ARMC2: variants seen among roughly 807,000 people sequenced by gnomAD.
ARMC2 encodes armadillo repeat-containing protein 2.
A neutral mutation model predicts 90.3 loss-of-function variants in ARMC2; 67 were observed. The ratio of observed to expected loss-of-function variants is 0.74; its 90% CI spans 0.61 to 0.91. ARMC2 has a LOEUF of 0.91. Among genes scored for constraint, ARMC2 ranks in the 40% least tolerant of loss-of-function variants. The pLI, the probability that ARMC2 is intolerant of heterozygous loss-of-function variation, is 0.00. For missense variants in ARMC2, 920 were observed against 1,030.9 expected (o/e 0.89, Z 1.47); for synonymous variants, 393 against 393.0 (o/e 1.00, Z 0.00).
chr6:109,040,932 G>A, the ARMC2 span, among the ~76,000 whole-genome samples: 1 of 151,914 alleles, frequency 6.6e-6, no homozygotes, highest in Non-Finnish European at 1.5e-5. Context: ...GATTACAGGC[G>A]TGAGCCACCG....
intron 17 of ARMC2, among the ~76,000 whole-genome samples, chr6:108,969,595 G>A (rs1214983841): frequency 6.6e-6 from 1 of 152,124 alleles, no homozygotes; most frequent in Non-Finnish European, 1.5e-5. Flanking sequence ...AGCAAAGAAA[G>A]AAAATATCAG....
intron 10 of ARMC2, 59 bp downstream of exon 10, chr6:108,912,617 C>T: frequency 6.8e-7 from 1 of 1,462,784 alleles, no homozygotes; most frequent in Admixed American, 1.8e-5. Context: ...TTGCCTAATG[C>T]CAGTTTTAAA....
chr6:109,026,310 G>A, the ARMC2 span, among the ~76,000 whole-genome samples: 1 of 152,134 alleles, frequency 6.6e-6, no homozygotes, highest in Non-Finnish European at 1.5e-5. Context: ...TCAGAAGGAA[G>A]TGTGAAAAAG....
chr6:108,905,113 C>T (rs77251093), intron 8 of ARMC2, among the ~76,000 whole-genome samples: 5,604 of 152,224 alleles, frequency 0.037, 300 homozygotes, highest in African/African-American at 0.11. Context: ...GCCGCTAAAA[C>T]AAATGAATGA....
intron 13 of ARMC2, among the ~76,000 whole-genome samples, chr6:108,959,013 T>G (rs2128509255): frequency 6.6e-6 from 1 of 152,354 alleles, no homozygotes; most frequent in South Asian, 2.1e-4. Flanking sequence ...CTAGAATATT[T>G]CCTTACAGTA....
chr6:109,044,022 A>T, the ARMC2 span, among the ~76,000 whole-genome samples: 2 of 152,152 alleles, frequency 1.3e-5, no homozygotes, highest in Non-Finnish European at 2.9e-5. Flanking sequence ...ACTTATTGTT[A>T]ACAAAGAAGT....
At chr6:108,871,122 G>A (rs1266785035) in intron 4 of ARMC2, among the ~76,000 whole-genome samples, 4 of 152,112 alleles carry the variant, frequency 2.6e-5, no homozygotes, top group South Asian at 4.1e-4. Context: ...TGCAATGACC[G>A]GGCACGAGAG....
At chr6:108,901,560 T>G (rs1583055309) in intron 7 of ARMC2, among the ~76,000 whole-genome samples, 1 of 151,664 alleles carries the variant, frequency 6.6e-6, no homozygotes, top group Admixed American at 6.6e-5. Flanking sequence ...GGATGACAGG[T>G]GCGCACCACC....
In ARMC2 at chr6:108,965,143, A is replaced by AC; in HGVS notation, c.2446+3_2446+4insC. ...ACTCTTGCTCTCATCATTTTTAGGT[A>AC]AGACTCTTGACTATGATGAGTCTGT... On this transcript the variant is annotated splice_donor_region_variant and intron_variant, in intron 17 of 17. Transcript: ENST00000392644. 1 of 1,599,494 alleles carries AC rather than the reference A, an allele frequency of 6.3e-7. No individual in the cohort carries two copies. Among genetic ancestry groups the AC allele is most frequent in the South Asian group, 1.1e-5 (1 of 90,552 alleles).
At chr6:109,027,077 C>T in the ARMC2 span, among the ~76,000 whole-genome samples, 1 of 151,724 alleles carries the variant, frequency 6.6e-6, no homozygotes, top group African/African-American at 2.4e-5. Context: ...GGCTGAGGCA[C>T]GAGAATCGCT....
chr6:108,977,293 A>G (rs1241112462), downstream of ARMC2, among the ~76,000 whole-genome samples: 1 of 152,104 alleles, frequency 6.6e-6, no homozygotes, highest in Non-Finnish European at 1.5e-5. Context: ...TTTGTTATGG[A>G]TTACGTTTAT....
chr6:109,010,739 G>C, the ARMC2 span, among the ~76,000 whole-genome samples: 1 of 152,188 alleles, frequency 6.6e-6, no homozygotes, highest in Non-Finnish European at 1.5e-5. Context: ...GTCAAAAGAA[G>C]CAATATTGAG....
At chr6:109,039,246 C>G in the ARMC2 span, among the ~76,000 whole-genome samples, 1 of 152,004 alleles carries the variant, frequency 6.6e-6, no homozygotes, top group Admixed American at 6.6e-5. Flanking sequence ...AGACCATGAC[C>G]AAAGATAAAT....
At chr6:108,899,182 G>A (rs118117932) in intron 6 of ARMC2, among the ~76,000 whole-genome samples, 1 of 152,042 alleles carries the variant, frequency 6.6e-6, no homozygotes, top group African/African-American at 2.4e-5. Context: ...TGTCAGCCCC[G>A]AAGGCCCAGG....
chr6:109,044,077 G>A, the ARMC2 span, among the ~76,000 whole-genome samples: 3 of 151,892 alleles, frequency 2.0e-5, no homozygotes, highest in Non-Finnish European at 4.4e-5. Flanking sequence ...CACTTTGGGA[G>A]GCCAAGGCAA....
chr6:109,050,607 A>G, the ARMC2 span, among the ~76,000 whole-genome samples: 1 of 152,306 alleles, frequency 6.6e-6, no homozygotes, highest in African/African-American at 2.4e-5. Context: ...ACTTTCAAAT[A>G]ACCTATCTAT....
chr6:108,872,289 A>G (rs558477298), intron 4 of ARMC2, among the ~76,000 whole-genome samples: 2 of 152,320 alleles, frequency 1.3e-5, no homozygotes, highest in South Asian at 2.1e-4. Context: ...GCGTTCACAC[A>G]GGGTTTTTGG....
At chr6:109,022,216 C>T in the ARMC2 span, among the ~76,000 whole-genome samples, 8 of 152,050 alleles carry the variant, frequency 5.3e-5, no homozygotes, top group Admixed American at 4.6e-4. Flanking sequence ...GCTACAAAGG[C>T]ATGTAATGCT....
the ARMC2 span, chr6:108,988,764 A>G: frequency 8.5e-7 from 1 of 1,170,582 alleles, no homozygotes; most frequent in Non-Finnish European, 1.2e-6. Context: ...ATACACATCA[A>G]TAGTTAATAC....
Sources: allele counts gnomAD v4.1 joint callset (sites outside exome capture counted in the v4.1 genomes callset), GRCh38; gene constraint gnomAD v4.1.1; transcripts MANE v1.5; gene names NCBI Gene and HGNC (gene_info 2026-07-23, HGNC 2026-07-21).